The following RBFOX1 variants were observed in gnomAD, a reference collection of about 807,000 sequenced individuals.
RBFOX1 encodes the protein RNA binding protein fox-1 homolog 1.
In RBFOX1, 8 loss-of-function variants were observed where a neutral mutation model predicts 57.7. That is an observed-to-expected ratio of 0.14 (90% CI 0.08 to 0.25). RBFOX1 has a LOEUF of 0.25. RBFOX1 is among the 10% of genes least tolerant of loss of function. The pLI is 1.00. For synonymous variants in RBFOX1, 326 were observed against 222.4 expected (o/e 1.47, Z -4.15); for missense variants, 611 against 548.5 (o/e 1.11, Z -1.14).
chr16:6,678,178 C>T (rs1388308612), intron 3 of RBFOX1, among the ~76,000 whole-genome samples: 1 of 152,220 alleles, frequency 6.6e-6, no homozygotes, highest in Non-Finnish European at 1.5e-5. Context: ...GGCTGGAGTG[C>T]AGTGGCACAA....
intron 15 of RBFOX1, 90 bp from the exon 16 acceptor site, chr16:7,710,533 G>C: frequency 1.3e-6 from 2 of 1,582,774 alleles, no homozygotes; most frequent in Admixed American, 1.9e-5. Context: ...TTGGTTTTGA[G>C]TGTCTATTTT....
chr16:5,732,378 C>A (rs2052409612), intron 3 of RBFOX1, among the ~76,000 whole-genome samples: 1 of 152,154 alleles, frequency 6.6e-6, no homozygotes, highest in South Asian at 2.1e-4. Context: ...ATTCTCAGCC[C>A]AGAAGGCTCA....
At chr16:7,053,752 T>C (rs2153733130) in intron 4 of RBFOX1, among the ~76,000 whole-genome samples, 1 of 152,326 alleles carries the variant, frequency 6.6e-6, no homozygotes, top group African/African-American at 2.4e-5. Context: ...AGTGGCTTGA[T>C]ATTAACATAA....
chr16:6,605,152 C>T (rs2097909101), intron 2 of RBFOX1, among the ~76,000 whole-genome samples: 1 of 152,094 alleles, frequency 6.6e-6, no homozygotes, highest in Non-Finnish European at 1.5e-5. Context: ...GGTGAGAGTA[C>T]TGCTTAAGCC....
In RBFOX1 at chr16:5,482,893, C is replaced by G. The variant is rs1352716965; in HGVS notation, c.258+15639C>G. Reference sequence around the variant, plus strand: ...GGGATATTTTCAAGATCCTTAAGGCCAAACAAAAAGAAAAGAATCCTTATT... The same window carrying G: ...GGGATATTTTCAAGATCCTTAAGGCGAAACAAAAAGAAAAGAATCCTTATT... On this transcript the variant is annotated intron_variant, in intron 2 of 2. Coordinates refer to the RBFOX1 transcript ENST00000585867. 2.6e-5 allele frequency among the ~76,000 whole-genome samples: 4 copies of G among 152,150 alleles called. No individual in the cohort carries two copies. The East Asian group carries it at 7.7e-4, about 29-fold the overall frequency.
intron 4 of RBFOX1, among the ~76,000 whole-genome samples, chr16:7,365,304 G>A (rs371957213): frequency 3.5e-4 from 54 of 152,304 alleles, no homozygotes; most frequent in African/African-American, 1.1e-3. Flanking sequence ...TTGTAGCAGG[G>A]AAGAATGTAG....
chr16:5,799,980 CAT>C (rs1303978521), intron 3 of RBFOX1, among the ~76,000 whole-genome samples: 1 of 152,024 alleles, frequency 6.6e-6, no homozygotes, highest in Non-Finnish European at 1.5e-5. Flanking sequence ...AATGAATATG[CAT>C]GTCTCCCAAG....
intron 2 of RBFOX1, among the ~76,000 whole-genome samples, chr16:6,484,099 A>C (rs1273665331): frequency 6.6e-6 from 1 of 152,166 alleles, no homozygotes; most frequent in South Asian, 2.1e-4. Flanking sequence ...CTTCCTTGCC[A>C]ATGCTCATTG....
chr16:7,493,572 G>A (rs1324665203), intron 4 of RBFOX1, among the ~76,000 whole-genome samples: 1 of 147,396 alleles, frequency 6.8e-6, no homozygotes, highest in African/African-American at 2.5e-5. Context: ...GGAACACAGA[G>A]GTGTAGAGTC....
chr16:7,406,466 G>A (rs1293016638), intron 4 of RBFOX1, among the ~76,000 whole-genome samples: 1 of 152,218 alleles, frequency 6.6e-6, no homozygotes, highest in Non-Finnish European at 1.5e-5. Flanking sequence ...GTGGCCCAGA[G>A]GGTGGATGGA....
chr16:5,675,435 G>T (rs2050137347), intron 3 of RBFOX1, among the ~76,000 whole-genome samples: 1 of 152,158 alleles, frequency 6.6e-6, no homozygotes, highest in Non-Finnish European at 1.5e-5. Flanking sequence ...GGCGGCCACA[G>T]ATGTGAACAA....
chr16:7,022,029 TTCCCC>T (rs1166193335), intron 3 of RBFOX1, among the ~76,000 whole-genome samples: 1 of 7,144 alleles, frequency 1.4e-4, no homozygotes, highest in African/African-American at 1.1e-3. Context: ...CCCCCTCCCC[TTCCCC>T]TCCCCTTCCC....
intron 4 of RBFOX1, among the ~76,000 whole-genome samples, chr16:7,074,801 A>G (rs925056838): frequency 6.6e-6 from 1 of 152,232 alleles, no homozygotes; most frequent in African/African-American, 2.4e-5. Context: ...AACCAAAGAT[A>G]AACAGATGCA....
chr16:7,704,860 G>A (rs914531429), intron 14 of RBFOX1, among the ~76,000 whole-genome samples: 3 of 151,270 alleles, frequency 2.0e-5, no homozygotes, highest in Non-Finnish European at 4.4e-5. Flanking sequence ...AGACCAGCCT[G>A]GGCAACATGG....
At chr16:6,444,694 G>A (rs988069798) in intron 2 of RBFOX1, among the ~76,000 whole-genome samples, 1 of 151,970 alleles carries the variant, frequency 6.6e-6, no homozygotes, top group Non-Finnish European at 1.5e-5. Context: ...ACTAATACAA[G>A]GCACAATAAG....
At chr16:7,587,185 G>A in intron 6 of RBFOX1, 62 bp from the exon 7 acceptor site, 3 of 1,421,076 alleles carry the variant, frequency 2.1e-6, no homozygotes, top group African/African-American at 1.4e-5. Context: ...AATTACTACT[G>A]TACATAGTAA....
At chr16:5,481,197 T>G (rs1419511883) in intron 2 of RBFOX1, among the ~76,000 whole-genome samples, 4 of 152,232 alleles carry the variant, frequency 2.6e-5, no homozygotes, top group Admixed American at 2.6e-4. Flanking sequence ...ATTTTTCTTT[T>G]CATGTCTGGC....
chr16:5,430,865 G>A (rs2067712269), intron 1 of RBFOX1, among the ~76,000 whole-genome samples: 2 of 152,198 alleles, frequency 1.3e-5, no homozygotes, highest in South Asian at 4.1e-4. Flanking sequence ...AGCCTCCAAA[G>A]AAGTTTTGCC....
intron 1 of RBFOX1, among the ~76,000 whole-genome samples, chr16:5,400,338 C>T (rs1182055723): frequency 6.6e-6 from 1 of 152,038 alleles, no homozygotes; most frequent in Admixed American, 6.6e-5. Context: ...AATGATCGGC[C>T]CACCTTGGCC....
Sources: gnomAD v4.1 joint callset for allele counts (sites outside exome capture counted in the v4.1 genomes callset) on GRCh38, gnomAD v4.1.1 for gene constraint, MANE v1.5 for transcripts, NCBI Gene and HGNC (gene_info 2026-07-23, HGNC 2026-07-21) for gene names.